PDE9A: variants seen among roughly 807,000 people sequenced by gnomAD.
PDE9A encodes phosphodiesterase 9A, also known as high affinity cGMP-specific 3',5'-cyclic phosphodiesterase 9A.
Under a neutral mutation model 87.4 loss-of-function variants are expected in PDE9A, and 60 were observed. The ratio of observed to expected loss-of-function variants is 0.69; its 90% confidence interval spans 0.56 to 0.85. The LOEUF (loss-of-function observed/expected upper bound fraction) is 0.85, where lower values mean the gene tolerates loss of function less well. PDE9A is among the 40% of genes least tolerant of loss of function. The pLI is 0.00. For missense variants in PDE9A, 665 were observed against 779.0 expected (o/e 0.85, Z 1.74); for synonymous variants, 272 against 279.4 (o/e 0.97, Z 0.27).
Position 42,768,254 on chromosome 21 carries a change from C to G in PDE9A, c.1423C>G (p.Pro475Ala). ...GGTCCGTCCAATGGAAGTCGCAGAG[C>G]CTTGGGTGGACTGTTTATTAGAGGA... ...NEVRPMEVAE[P>A]WVDCLLEEYF... Residue 475 changes from proline (P) to alanine (A), a missense_variant, in exon 16 of 20, where the codon CCT becomes GCT. Transcript: ENST00000291539. The G allele has an allele frequency of 6.2e-7, 1 of 1,607,566 alleles. No homozygotes were observed. Among genetic ancestry groups the G allele is most frequent in the Non-Finnish European group, 8.5e-7 (1 of 1,173,944 alleles).
Position 42,696,622 on chromosome 21 carries a change from C to T in PDE9A, c.219-2346C>T, listed in dbSNP as rs533649083. On this transcript the variant is annotated intron_variant, in intron 3 of 19. Coordinates refer to ENST00000291539, the MANE Select transcript of PDE9A (RefSeq NM_002606.3). This position sits in a 1 kb window ranked among gnomAD's most constrained non-coding sequence, Gnocchi z 5.1. ...GAAGGAAGGAGGATCCAAGAGGAGC[C>T]CAGCACACCCGGCTTCTCTGCTGCC... 6.6e-6 allele frequency among the ~76,000 whole-genome samples: 1 copy of T among 152,248 alleles called. No individual in the cohort carries two copies. The highest frequency in any genetic ancestry group is 1.5e-5 in the Non-Finnish European group (1 of 68,002).
At chr21:42,654,722 G>T (rs758572421) in intron 1 of PDE9A, among the ~76,000 whole-genome samples, 2 of 152,210 alleles carry the variant, frequency 1.3e-5, no homozygotes, top group African/African-American at 2.4e-5. Context: ...CACAGAGCAG[G>T]TGCCGGCCAG....
chr21:42,743,072 GTTAGT>G (rs1291765979), intron 7 of PDE9A, among the ~76,000 whole-genome samples: 1 of 152,216 alleles, frequency 6.6e-6, no homozygotes, highest in Non-Finnish European at 1.5e-5. Context: ...TTCTCCCAAA[GTTAGT>G]TCAGCCAAGG....
chr21:42,672,524 C>T (rs1482509736), intron 1 of PDE9A, among the ~76,000 whole-genome samples: 3 of 152,262 alleles, frequency 2.0e-5, no homozygotes, highest in Admixed American at 6.5e-5. Flanking sequence ...CTGGTTCACA[C>T]AGGAGCAAGC....
Position 42,743,871 on chromosome 21 carries a change from C to A in PDE9A, c.653+11C>A, listed in dbSNP as rs762779681. On this transcript the variant is annotated intron_variant, in intron 8 of 19. Transcript: ENST00000291539. ...GGCCAGAAGCAGCAGGTAGGGTCTG[C>A]GCTGGGGCCACGGGCGGCCGGGCCT... 2 of 1,538,268 alleles carry A rather than the reference C, an allele frequency of 1.3e-6. No homozygotes were observed. The highest frequency in any genetic ancestry group is 2.4e-5 in the South Asian group (2 of 84,612).
At chr21:42,674,377 G>A (rs1430766967) in intron 1 of PDE9A, among the ~76,000 whole-genome samples, 1 of 149,628 alleles carries the variant, frequency 6.7e-6, no homozygotes, top group South Asian at 2.1e-4. Flanking sequence ...GTACAGTGGC[G>A]TGAGAAATTC....
chr21:42,685,813 T>C (rs2059429986), intron 1 of PDE9A, among the ~76,000 whole-genome samples: 1 of 152,122 alleles, frequency 6.6e-6, no homozygotes, highest in Non-Finnish European at 1.5e-5. Context: ...AATTTTATTT[T>C]ATTTACAGAA....
intron 19 of PDE9A, among the ~76,000 whole-genome samples, chr21:42,774,873 C>T (rs1181690228): frequency 4.4e-5 from 5 of 114,258 alleles, no homozygotes; most frequent in African/African-American, 1.5e-4. Flanking sequence ...CAGAGCAAGA[C>T]TCCATCTCAA....
chr21:42,703,435 C>G (rs113641041), intron 4 of PDE9A, among the ~76,000 whole-genome samples: 127 of 152,326 alleles, frequency 8.3e-4, no homozygotes, highest in African/African-American at 2.9e-3. Flanking sequence ...GAGGGGAAGC[C>G]ATAAAGCCCT....
chr21:42,709,677 T>G (rs745407715), intron 4 of PDE9A, among the ~76,000 whole-genome samples: 2 of 152,024 alleles, frequency 1.3e-5, no homozygotes, highest in Non-Finnish European at 2.9e-5. Flanking sequence ...GTTTGTTTGT[T>G]TGTGTGTGTG....
chr21:42,665,286 T>G (rs1601900514), intron 1 of PDE9A, among the ~76,000 whole-genome samples: 1 of 152,220 alleles, frequency 6.6e-6, no homozygotes, highest in Non-Finnish European at 1.5e-5. Context: ...CCAAGAGAGA[T>G]AAACCTCTGT....
intron 4 of PDE9A, among the ~76,000 whole-genome samples, chr21:42,703,290 G>C (rs1430686667): frequency 6.6e-6 from 1 of 152,210 alleles, no homozygotes; most frequent in East Asian, 1.9e-4. Flanking sequence ...CCCAATGGAT[G>C]GTGTTGAAGT....
chr21:42,696,238 G>A lies in PDE9A; in HGVS notation c.219-2730G>A, dbSNP rs759553279. On this transcript the variant is annotated intron_variant, in intron 3 of 19. Transcript: ENST00000291539. This position sits in a 1 kb window ranked among gnomAD's most constrained non-coding sequence, Gnocchi z 5.1. Reference sequence around the variant, plus strand: ...GGACACCTTCCTCTGAGTCTCTTGCGTGGGAGAAGTTGCTGGACACGCCTC... The same window carrying A: ...GGACACCTTCCTCTGAGTCTCTTGCATGGGAGAAGTTGCTGGACACGCCTC... Among the ~76,000 whole-genome samples the A allele has an allele frequency of 2.6e-5, 4 of 152,248 alleles. No individual in the cohort carries two copies. The highest frequency in any genetic ancestry group is 3.9e-4 in the East Asian group (2 of 5,176).
intron 1 of PDE9A, among the ~76,000 whole-genome samples, chr21:42,677,390 CACAG>C (rs1052803365): frequency 1.3e-5 from 2 of 152,170 alleles, no homozygotes; most frequent in African/African-American, 2.4e-5. Context: ...TGAAAGGTAA[CACAG>C]ACATTTTCAG....
intron 1 of PDE9A, among the ~76,000 whole-genome samples, chr21:42,679,994 G>C (rs1390611106): frequency 6.6e-6 from 1 of 152,220 alleles, no homozygotes; most frequent in African/African-American, 2.4e-5. Flanking sequence ...GTGAGAGACT[G>C]TCGTAAGGAG....
At chr21:42,773,947 CA>C (rs1034623225) in intron 19 of PDE9A, among the ~76,000 whole-genome samples, 9 of 151,212 alleles carry the variant, frequency 6.0e-5, no homozygotes, top group East Asian at 3.9e-4. Flanking sequence ...ACTAAAAATA[CA>C]AAAAAAATTA....
chr21:42,663,369 G>T (rs1181125774), intron 1 of PDE9A, among the ~76,000 whole-genome samples: 1 of 152,190 alleles, frequency 6.6e-6, no homozygotes, highest in Non-Finnish European at 1.5e-5. Flanking sequence ...AGATGACAGA[G>T]AAGTCAGCAG....
At chr21:42,681,317 C>G (rs1454692526) in intron 1 of PDE9A, among the ~76,000 whole-genome samples, 1 of 152,204 alleles carries the variant, frequency 6.6e-6, no homozygotes, top group Non-Finnish European at 1.5e-5. Context: ...GAAGGAGGCT[C>G]TTTTGGATAT....
At chr21:42,657,798 C>A (rs1358779715) in intron 1 of PDE9A, among the ~76,000 whole-genome samples, 1 of 152,232 alleles carries the variant, frequency 6.6e-6, no homozygotes, top group East Asian at 1.9e-4. Flanking sequence ...CCTGACCTGG[C>A]GGCCCCCTCG....
Sources: gnomAD v4.1 joint callset for allele counts (sites outside exome capture counted in the v4.1 genomes callset) on GRCh38, gnomAD v4.1.1 for gene constraint, Gnocchi (gnomAD v3.1) non-coding constraint, MANE v1.5 for transcripts, NCBI Gene and HGNC (gene_info 2026-07-23, HGNC 2026-07-21) for gene names.